The following SMCO4 variants were observed in gnomAD, a reference collection of about 807,000 sequenced individuals.
SMCO4 encodes single-pass membrane protein with coiled-coil domains 4, also known as single-pass membrane and coiled-coil domain-containing protein 4.
SMCO4 carries 4 observed loss-of-function variants against 3.6 expected under a neutral mutation model. The observed-to-expected ratio is 1.11, with a 90% confidence interval of 0.54 to 2.53. SMCO4 has a LOEUF of 2.53. Among genes scored for constraint, SMCO4 ranks in the 30% most tolerant of loss-of-function variants. SMCO4 has a pLI of 0.02. For missense variants in SMCO4, 70 were observed against 80.8 expected, an observed-to-expected ratio of 0.87 and a Z score of 0.51; for synonymous variants, 36 against 35.3, an observed-to-expected ratio of 1.02 and a Z score of -0.07.
At chr11:93,515,490 G>C (rs1453343391) in intron 1 of SMCO4, among the ~76,000 whole-genome samples, 1 of 152,144 alleles carries the variant, frequency 6.6e-6, no homozygotes, top group Non-Finnish European at 1.5e-5. Flanking sequence ...AGTTAACGAA[G>C]GTCATGTCTG....
At chr11:93,483,634 C>G (rs1341990161) in intron 2 of SMCO4, among the ~76,000 whole-genome samples, 3 of 152,178 alleles carry the variant, frequency 2.0e-5, no homozygotes, top group African/African-American at 7.2e-5. Flanking sequence ...TCAGGGTACT[C>G]CGACGTGTCT....
intron 1 of SMCO4, among the ~76,000 whole-genome samples, chr11:93,510,006 T>C (rs1418775013): frequency 2.0e-5 from 3 of 152,176 alleles, no homozygotes; most frequent in Non-Finnish European, 4.4e-5. Flanking sequence ...AGACTAGTTA[T>C]AACTAAAAGA....
chr11:93,524,868 G>A (rs1022082947), intron 1 of SMCO4, among the ~76,000 whole-genome samples: 2 of 152,068 alleles, frequency 1.3e-5, no homozygotes, highest in Non-Finnish European at 2.9e-5. Flanking sequence ...GAAAAATAGT[G>A]AAACAGGAAA....
chr11:93,505,202 G>C (rs1002887334), intron 1 of SMCO4, among the ~76,000 whole-genome samples: 9 of 152,098 alleles, frequency 5.9e-5, no homozygotes, highest in African/African-American at 2.2e-4. Flanking sequence ...GACCTAAATG[G>C]GCCTGGCAGA....
intron 1 of SMCO4, among the ~76,000 whole-genome samples, chr11:93,499,903 A>G (rs1049381723): frequency 2.0e-5 from 3 of 152,238 alleles, no homozygotes; most frequent in South Asian, 4.1e-4. Flanking sequence ...ACAGCCACAG[A>G]GGACAGCCAA....
intron 2 of SMCO4, among the ~76,000 whole-genome samples, chr11:93,484,350 T>C (rs1408527334): frequency 6.6e-6 from 1 of 152,206 alleles, no homozygotes; most frequent in East Asian, 1.9e-4. Context: ...TGCACTTTTC[T>C]CCGATTTGGA....
At chr11:93,547,076 A>C (rs2134649364), upstream of SMCO4, among the ~76,000 whole-genome samples, 1 of 152,372 alleles carries the variant, frequency 6.6e-6, no homozygotes, top group Middle Eastern at 3.4e-3. Flanking sequence ...ACATAGAGGT[A>C]GCTCTCAGTC....
intron 2 of SMCO4, among the ~76,000 whole-genome samples, chr11:93,492,212 G>A (rs1484327089): frequency 1.3e-5 from 2 of 152,188 alleles, no homozygotes; most frequent in East Asian, 1.9e-4. Flanking sequence ...ACCAGTGTTG[G>A]CAACTAACCA....
At chr11:93,551,451 T>C in the SMCO4 span, among the ~76,000 whole-genome samples, 1 of 152,166 alleles carries the variant, frequency 6.6e-6, no homozygotes, top group Non-Finnish European at 1.5e-5. Context: ...GAGAGGAGTC[T>C]TGGGGCCCTG....
chr11:93,478,955 T>G lies in SMCO4; in HGVS notation c.*55A>C, dbSNP rs1194891271. The G allele has an allele frequency of 5.8e-6, 9 of 1,549,138 alleles. No individual in the cohort carries two copies. The African/African-American group carries it at 1.2e-4, about 21-fold the overall frequency. On this transcript the variant is annotated 3_prime_UTR_variant, in exon 3 of 3. Coordinates refer to ENST00000298966, the MANE Select transcript of SMCO4 (RefSeq NM_020179.3). ...ATATGAAAGCCATTTTTTGTTTGCGTCCCCCTCCCGCGCCTCCTCTCCCTG... is the reference window on the plus strand; with the variant it reads ...ATATGAAAGCCATTTTTTGTTTGCGGCCCCCTCCCGCGCCTCCTCTCCCTG...
chr11:93,545,415 C>T (rs1009058960), upstream of SMCO4, among the ~76,000 whole-genome samples: 3 of 151,468 alleles, frequency 2.0e-5, no homozygotes, highest in Middle Eastern at 3.2e-3. Context: ...CGATGAACCC[C>T]GTCTCTACTG....
At chr11:93,482,298 C>T (rs1948600878) in intron 2 of SMCO4, among the ~76,000 whole-genome samples, 1 of 152,192 alleles carries the variant, frequency 6.6e-6, no homozygotes, top group African/African-American at 2.4e-5. Flanking sequence ...GCAGAGTGGC[C>T]TGAGCCAGGG....
At chr11:93,513,953 A>G (rs766541844) in intron 1 of SMCO4, among the ~76,000 whole-genome samples, 2 of 152,158 alleles carry the variant, frequency 1.3e-5, no homozygotes, top group Non-Finnish European at 2.9e-5. Context: ...ATTAGAGTCC[A>G]TTTGCCCATC....
chr11:93,528,764 C>T (rs765586223), intron 1 of SMCO4, among the ~76,000 whole-genome samples: 1 of 152,148 alleles, frequency 6.6e-6, no homozygotes, highest in Non-Finnish European at 1.5e-5. Flanking sequence ...AGTAACTTAT[C>T]GAAGGCAGCA....
chr11:93,543,704 C>A (rs1366364948), upstream of SMCO4, among the ~76,000 whole-genome samples: 1 of 152,240 alleles, frequency 6.6e-6, no homozygotes, highest in African/African-American at 2.4e-5. Flanking sequence ...CGTGAGATAG[C>A]AGAATCGGAA....
chr11:93,497,641 C>G (rs1023482088), intron 2 of SMCO4, among the ~76,000 whole-genome samples: 1 of 151,234 alleles, frequency 6.6e-6, no homozygotes, highest in Non-Finnish European at 1.5e-5. Context: ...AAGGGGGGTA[C>G]CAAGATCAGA....
chr11:93,482,003 C>T (rs1297776240), intron 2 of SMCO4, among the ~76,000 whole-genome samples: 1 of 152,244 alleles, frequency 6.6e-6, no homozygotes, highest in Non-Finnish European at 1.5e-5. Flanking sequence ...TCCACAATGA[C>T]CAGTTCTCAA....
At chr11:93,535,720 A>C in intron 1 of SMCO4, 4 of 1,613,906 alleles carry the variant, frequency 2.5e-6, no homozygotes, top group Middle Eastern at 1.7e-4. Flanking sequence ...GGCTTATTCA[A>C]ACCTCCTGAG....
intron 1 of SMCO4, among the ~76,000 whole-genome samples, chr11:93,532,901 A>G (rs1949177101): frequency 6.6e-6 from 1 of 152,180 alleles, no homozygotes; most frequent in African/African-American, 2.4e-5. Context: ...TGTCATCCTC[A>G]CTAGAAAATA....
Sources: gnomAD v4.1 joint callset for allele counts (sites outside exome capture counted in the v4.1 genomes callset) on GRCh38, gnomAD v4.1.1 for gene constraint, MANE v1.5 for transcripts, NCBI Gene and HGNC (gene_info 2026-07-23, HGNC 2026-07-21) for gene names.